ARHGEF10: variants seen among roughly 807,000 people sequenced by gnomAD.
ARHGEF10 encodes Rho guanine nucleotide exchange factor 10.
ARHGEF10 carries 140 observed loss-of-function variants against 147.4 expected under a neutral mutation model. That is an observed-to-expected ratio of 0.95 (90% CI 0.83 to 1.09). The LOEUF (loss-of-function observed/expected upper bound fraction) is 1.09, where lower values mean the gene tolerates loss of function less well. Ranked by LOEUF, ARHGEF10 falls within the 50% of genes least tolerant of loss-of-function variation. ARHGEF10 has a pLI of 0.00. For missense variants in ARHGEF10, 2,222 were observed against 1,752.7 expected (o/e 1.27, Z -4.78); for synonymous variants, 902 against 695.8 (o/e 1.30, Z -4.67).
At chr8:1,844,686 C>CT (rs1804415336) in intron 2 of ARHGEF10, among the ~76,000 whole-genome samples, 1 of 152,154 alleles carries the variant, frequency 6.6e-6, no homozygotes. Flanking sequence ...GTCTCCTTGC[C>CT]TTTTTGTCGC....
intron 18 of ARHGEF10, among the ~76,000 whole-genome samples, chr8:1,910,310 A>G (rs1811261978): frequency 1.3e-5 from 2 of 152,210 alleles, no homozygotes; most frequent in Non-Finnish European, 2.9e-5. Context: ...TTGAATTTGC[A>G]TATTCACCTG....
Position 1,929,436 on chromosome 8 carries a change from AG to A in ARHGEF10, c.3073del (p.Ala1025ProfsTer13). On this transcript the variant is annotated frameshift_variant, in exon 25 of 29. Transcript: ENST00000349830. LOFTEE classifies it high-confidence loss of function. ...ACGGGGCAGTCGCCAGCTACGCCAG[AG>A]CCCCAGGTGAGGCGGGTCTCACGGC... ...VNGAVASYAR[A>X]PDGSWDSEPQ... 1 of 1,608,104 alleles carries A rather than the reference AG, an allele frequency of 6.2e-7. No individual in the cohort carries two copies. The highest frequency in any genetic ancestry group is 2.2e-5 in the East Asian group (1 of 44,804).
intron 11 of ARHGEF10, among the ~76,000 whole-genome samples, chr8:1,891,261 C>T (rs1809501252): frequency 6.6e-6 from 1 of 152,126 alleles, no homozygotes; most frequent in Admixed American, 6.5e-5. Flanking sequence ...TTCCTCCTGC[C>T]AAATGTGTTG....
At chr8:1,888,147 A>G (rs1459898474) in intron 11 of ARHGEF10, among the ~76,000 whole-genome samples, 2 of 74,102 alleles carry the variant, frequency 2.7e-5, no homozygotes, top group Non-Finnish European at 5.8e-5. Flanking sequence ...GGAGACACTT[A>G]GTGGGGCGAG....
intron 2 of ARHGEF10, among the ~76,000 whole-genome samples, chr8:1,856,671 C>T (rs1035952340): frequency 6.6e-6 from 1 of 152,186 alleles, no homozygotes; most frequent in East Asian, 1.9e-4. Context: ...TCCGGAGCTG[C>T]CTGCAGCCGA....
At chr8:1,860,912 G>T (rs2129077115) in intron 4 of ARHGEF10, among the ~76,000 whole-genome samples, 1 of 152,278 alleles carries the variant, frequency 6.6e-6, no homozygotes, top group East Asian at 1.9e-4. Flanking sequence ...ATTGCCTCAG[G>T]GGCTCCCTGT....
chr8:1,888,175 G>A (rs778434087), intron 11 of ARHGEF10, among the ~76,000 whole-genome samples: 1 of 28,856 alleles, frequency 3.5e-5, no homozygotes, highest in African/African-American at 2.3e-4. Context: ...AGGAGACAGT[G>A]AGTGGGGTGA....
At chr8:1,859,697 C>T (rs1403952743) in intron 3 of ARHGEF10, among the ~76,000 whole-genome samples, 200 bp from the exon 4 acceptor site, 1 of 152,224 alleles carries the variant, frequency 6.6e-6, no homozygotes, top group Non-Finnish European at 1.5e-5. Context: ...GCATCCGTCT[C>T]ACCTGTGCCC....
At chr8:1,834,460 A>G (rs1325303231) in intron 1 of ARHGEF10, among the ~76,000 whole-genome samples, 2 of 152,116 alleles carry the variant, frequency 1.3e-5, no homozygotes, top group Non-Finnish European at 2.9e-5. Context: ...GCTGGGTGCC[A>G]TGCGCCCTGA....
intron 18 of ARHGEF10, among the ~76,000 whole-genome samples, chr8:1,916,927 C>A (rs1327879413): frequency 6.6e-6 from 1 of 152,210 alleles, no homozygotes; most frequent in Non-Finnish European, 1.5e-5. Context: ...TACCACAGTT[C>A]TCTATGTGAT....
At chr8:1,888,693 A>G (rs200563719) in intron 11 of ARHGEF10, among the ~76,000 whole-genome samples, 517 of 40,730 alleles carry the variant, frequency 0.013, 6 homozygotes, top group Non-Finnish European at 0.015. Context: ...GAGACACTGA[A>G]TAGGGTGAGG....
rs755959296 is a variant in ARHGEF10 at position 1,955,098 on chromosome 8, A to AT, written c.3521-1651_3521-1650insT. Among the ~76,000 whole-genome samples, 19 of 35,926 alleles carry AT rather than the reference A, an allele frequency of 5.3e-4. 1 individual carries two copies. Among genetic ancestry groups the AT allele is most frequent in the South Asian group, 4.6e-3 (4 of 866 alleles). 23.6% of individuals were successfully genotyped at this position (35,926 alleles called of 152,430 possible). A position where few individuals can be genotyped will look rare whatever the true frequency, so the allele number is the denominator to read the frequency against. ...AGGTGCACTCTCACTGTTCCTCTGG[A>AT]GGATAGCCAGGTGCTCCCTGAAAGG... On this transcript the variant is annotated intron_variant, in intron 28 of 28. Coordinates refer to ENST00000349830, the MANE Select transcript of ARHGEF10 (RefSeq NM_014629.4).
intron 1 of ARHGEF10, among the ~76,000 whole-genome samples, chr8:1,839,046 G>C (rs1366460554): frequency 1.3e-5 from 2 of 152,046 alleles, no homozygotes; most frequent in Non-Finnish European, 2.9e-5. Flanking sequence ...GAAGCTGTCT[G>C]GTGTGGAAGC....
intron 1 of ARHGEF10, among the ~76,000 whole-genome samples, chr8:1,825,772 A>T (rs775636211): frequency 3.3e-5 from 5 of 152,110 alleles, no homozygotes; most frequent in Non-Finnish European, 7.3e-5. Context: ...AAAAATTCTC[A>T]TTGACTCAAG....
chr8:1,919,823 T>A (rs1479974467), intron 18 of ARHGEF10, among the ~76,000 whole-genome samples: 1 of 141,256 alleles, frequency 7.1e-6, no homozygotes, highest in East Asian at 2.2e-4. Flanking sequence ...CTGTGGGTGA[T>A]GAGCTGTTCT....
rs781600133 is a variant in ARHGEF10, at chr8:1,956,887, A to G, written c.3659A>G (p.Lys1220Arg). 1 of 1,614,120 alleles carries G rather than the reference A, an allele frequency of 6.2e-7. No homozygotes were observed. The highest frequency in any genetic ancestry group is 8.5e-7 in the Non-Finnish European group (1 of 1,180,032). ...CCCGAGCCTCAGGACGAAGACCAGA[A>G]GGACGCACTTCCGAGTGGAGGAGCT... ...PGPEPQDEDQKDALPSGGAGS... is the reference protein window; with the variant it reads ...PGPEPQDEDQRDALPSGGAGS... Residue 1220 changes from lysine (K) to arginine (R), a missense_variant, in exon 29 of 29, where the codon AAG (lysine) becomes AGG (arginine). Physicochemically the swap from Lys to Arg is conservative, Grantham distance 26. Transcript: ENST00000349830.
intron 18 of ARHGEF10, among the ~76,000 whole-genome samples, 156 bp downstream of exon 18, chr8:1,909,626 G>T (rs535939652): frequency 6.6e-6 from 1 of 152,244 alleles, no homozygotes; most frequent in Non-Finnish European, 1.5e-5. Context: ...TCTGTATGCT[G>T]TCTGACTAAC....
chr8:1,905,860 C>G (rs1450044841), intron 17 of ARHGEF10, 144 bp downstream of exon 17: 1 of 987,442 alleles, frequency 1.0e-6, no homozygotes, highest in Admixed American at 2.0e-5. Flanking sequence ...TAAGGGAACC[C>G]TTATAATAAG....
intron 26 of ARHGEF10, among the ~76,000 whole-genome samples, chr8:1,939,593 G>C (rs1219542909): frequency 1.3e-5 from 2 of 152,258 alleles, no homozygotes; most frequent in Non-Finnish European, 2.9e-5. Context: ...GCAGGCACAG[G>C]GCCCTCGGCA....
Sources: gnomAD v4.1 joint callset for allele counts (sites outside exome capture counted in the v4.1 genomes callset) on GRCh38, gnomAD v4.1.1 for gene constraint, MANE v1.5 for transcripts, NCBI Gene and HGNC (gene_info 2026-07-23, HGNC 2026-07-21) for gene names.